The following FAF1 variants were observed in gnomAD, a reference collection of about 807,000 sequenced individuals.
FAF1 encodes the protein Fas associated factor 1.
In FAF1, 25 loss-of-function variants were observed where a neutral mutation model predicts 92.5. That is an observed-to-expected ratio of 0.27 (90% CI 0.20 to 0.38). The LOEUF (loss-of-function observed/expected upper bound fraction) is 0.38, where lower values mean the gene tolerates loss of function less well. Ranked by LOEUF, FAF1 falls within the 10% of genes least tolerant of loss-of-function variation. The pLI is 1.00. For missense variants in FAF1, 636 were observed against 793.3 expected (o/e 0.80, Z 2.38); for synonymous variants, 234 against 273.2 (o/e 0.86, Z 1.42).
At chr1:50,612,130 A>G (rs1228801689) in intron 8 of FAF1, among the ~76,000 whole-genome samples, 1 of 152,212 alleles carries the variant, frequency 6.6e-6, no homozygotes. Flanking sequence ...TTAGAAATGT[A>G]ACATTTTCTG....
chr1:50,468,253 C>T (rs1646524311), intron 18 of FAF1, among the ~76,000 whole-genome samples: 1 of 151,880 alleles, frequency 6.6e-6, no homozygotes, highest in Admixed American at 6.6e-5. Context: ...CATTGTACCC[C>T]ATAACAATAT....
chr1:50,719,249 C>T (rs1177243594), intron 6 of FAF1, among the ~76,000 whole-genome samples: 1 of 152,200 alleles, frequency 6.6e-6, no homozygotes, highest in East Asian at 1.9e-4. Flanking sequence ...CTAACATATA[C>T]TAATAATTCT....
At chr1:50,596,010 G>A in intron 9 of FAF1, 111 bp downstream of exon 9, 2 of 691,218 alleles carry the variant, frequency 2.9e-6, no homozygotes, top group Non-Finnish European at 2.5e-6. Flanking sequence ...TTTAATTAAT[G>A]CTACATTAAC....
intron 8 of FAF1, among the ~76,000 whole-genome samples, chr1:50,624,187 G>A (rs746238772): frequency 7.2e-5 from 11 of 151,948 alleles, no homozygotes; most frequent in Non-Finnish European, 1.2e-4. Context: ...TATCTCTGTC[G>A]CCCAGGCTGG....
chr1:50,949,028 T>C (rs886504566), intron 1 of FAF1, among the ~76,000 whole-genome samples: 6 of 152,312 alleles, frequency 3.9e-5, no homozygotes, highest in Non-Finnish European at 7.3e-5. Context: ...ATAAAACGTT[T>C]TGCTAAGTCA....
intron 8 of FAF1, among the ~76,000 whole-genome samples, chr1:50,605,921 A>C (rs1475740364): frequency 6.6e-6 from 1 of 152,230 alleles, no homozygotes; most frequent in African/African-American, 2.4e-5. Flanking sequence ...GGATCCAAAT[A>C]ACCTGGCCTT....
chr1:50,919,434 T>A (rs1644945164), intron 1 of FAF1, among the ~76,000 whole-genome samples: 1 of 151,468 alleles, frequency 6.6e-6, no homozygotes. Flanking sequence ...ATAACACGTA[T>A]AAGTAAAATA....
chr1:50,934,262 ATT>A (rs1303873216), intron 1 of FAF1, among the ~76,000 whole-genome samples: 2 of 152,010 alleles, frequency 1.3e-5, no homozygotes, highest in African/African-American at 4.8e-5. Flanking sequence ...CTTCCACATA[ATT>A]TTTTAAATAC....
chr1:50,640,227 GT>G (rs1242004341), intron 8 of FAF1, among the ~76,000 whole-genome samples: 2 of 151,540 alleles, frequency 1.3e-5, no homozygotes, highest in East Asian at 3.9e-4. Flanking sequence ...ATTAGAATTA[GT>G]TTACCTTAAA....
chr1:50,723,365 A>C (rs1569837015), intron 6 of FAF1, among the ~76,000 whole-genome samples: 1 of 151,086 alleles, frequency 6.6e-6, no homozygotes, highest in Non-Finnish European at 1.5e-5. Flanking sequence ...GTGCCACTGC[A>C]CTCCAGCCTG....
intron 2 of FAF1, among the ~76,000 whole-genome samples, chr1:50,827,864 A>T (rs1163804338): frequency 2.0e-5 from 3 of 152,214 alleles, no homozygotes; most frequent in Non-Finnish European, 4.4e-5. Context: ...AGACAAGTTC[A>T]ATAAATGGAA....
At chr1:50,579,555 A>C (rs1355661816) in intron 12 of FAF1, among the ~76,000 whole-genome samples, 1 of 152,188 alleles carries the variant, frequency 6.6e-6, no homozygotes, top group Non-Finnish European at 1.5e-5. Flanking sequence ...ATGAGACTCC[A>C]TAACCATTAA....
chr1:50,637,124 C>A (rs1402360388), intron 8 of FAF1, among the ~76,000 whole-genome samples: 2 of 151,798 alleles, frequency 1.3e-5, no homozygotes, highest in East Asian at 3.9e-4. Flanking sequence ...TGTAAGTCTT[C>A]CAATTTTGTT....
intron 13 of FAF1, among the ~76,000 whole-genome samples, chr1:50,555,398 C>G (rs1649527752): frequency 6.6e-6 from 1 of 151,914 alleles, no homozygotes; most frequent in Admixed American, 6.6e-5. Flanking sequence ...ACAAGGAACT[C>G]AAACAAATCA....
chr1:50,510,159 C>G (rs1275472112), intron 15 of FAF1, among the ~76,000 whole-genome samples: 1 of 137,940 alleles, frequency 7.2e-6, no homozygotes, highest in African/African-American at 2.7e-5. Context: ...GAACGAGACT[C>G]TGTCTCAAAA....
intron 18 of FAF1, among the ~76,000 whole-genome samples, chr1:50,452,417 C>G (rs1176412008): frequency 1.3e-5 from 2 of 152,154 alleles, no homozygotes; most frequent in Admixed American, 1.3e-4. Context: ...CCAGGAACCT[C>G]AGAGCTGGGT....
intron 1 of FAF1, among the ~76,000 whole-genome samples, chr1:50,951,974 C>G (rs988063597): frequency 2.0e-5 from 3 of 152,186 alleles, no homozygotes; most frequent in African/African-American, 7.2e-5. Flanking sequence ...TTATGTGTCA[C>G]TCAACGTAAG....
chr1:50,846,314 T>C (rs1644298883), intron 2 of FAF1, among the ~76,000 whole-genome samples: 1 of 151,222 alleles, frequency 6.6e-6, no homozygotes. Flanking sequence ...GACTCATGCA[T>C]GAGGGGGCCC....
intron 12 of FAF1, among the ~76,000 whole-genome samples, chr1:50,570,022 T>C (rs1650357831): frequency 6.6e-6 from 1 of 152,276 alleles, no homozygotes; most frequent in South Asian, 2.1e-4. Flanking sequence ...CCATTCTGCA[T>C]TTCAAAGCAT....
Sources: allele counts gnomAD v4.1 joint callset (sites outside exome capture counted in the v4.1 genomes callset), GRCh38; gene constraint gnomAD v4.1.1; transcripts MANE v1.5; gene names NCBI Gene and HGNC (gene_info 2026-07-23, HGNC 2026-07-21).